The following CCDC110 variants were observed in gnomAD, a reference collection of about 807,000 sequenced individuals.
CCDC110 encodes coiled-coil domain-containing protein 110.
Under a neutral mutation model 77.1 loss-of-function variants are expected in CCDC110, and 70 were observed. The observed-to-expected ratio is 0.91, with a 90% CI of 0.75 to 1.11. The LOEUF (loss-of-function observed/expected upper bound fraction) is 1.11. Among genes scored for constraint, CCDC110 ranks in the 50% least tolerant of loss-of-function variants. CCDC110 has a pLI of 0.00. For missense variants in CCDC110, 868 were observed against 942.9 expected, an observed-to-expected ratio of 0.92 and a Z score of 1.04; for synonymous variants, 295 against 312.5, an observed-to-expected ratio of 0.94 and a Z score of 0.59.
At chr4:185,462,412 G>A (rs1298149166) in intron 4 of CCDC110, among the ~76,000 whole-genome samples, 4 of 152,096 alleles carry the variant, frequency 2.6e-5, no homozygotes, top group Admixed American at 2.0e-4. Flanking sequence ...GACTTTAAAC[G>A]TGTATTGAAA....
In CCDC110 at chr4:185,471,573, G is replaced by C. The variant is rs765637400; in HGVS notation, c.10+101C>G. ...GGCGAGTGCAGAAGGGCGGACCCGG[G>C]ATGTCCCGGGTTTTCGAGCGGGGAG... is the stretch of plus-strand genomic sequence containing the variant. On this transcript the variant is annotated intron_variant, in intron 1 of 6. Coordinates refer to ENST00000307588, the MANE Select transcript of CCDC110 (RefSeq NM_152775.4). The C allele has an allele frequency of 1.1e-5, 14 of 1,323,950 alleles. No individual in the cohort carries two copies. The South Asian group carries it at 1.9e-4, about 18-fold the overall frequency. The allele number at this position is 1,323,950 out of a possible 1,614,324, so 82.0% of individuals were successfully genotyped here.
chr4:185,458,984 C>T lies in CCDC110; in HGVS notation c.1603G>A (p.Glu535Lys). ...LEEKNIQLSLEKQQMMEALDQ... is the reference protein window; with the variant it reads ...LEEKNIQLSLKKQQMMEALDQ... Reference sequence around the variant, plus strand: ...AATGCTTCCATCATTTGTTGCTTCTCTAAAGAAAGTTGTATATTTTTTTCC... The same window carrying T: ...AATGCTTCCATCATTTGTTGCTTCTTTAAAGAAAGTTGTATATTTTTTTCC... Residue 535 changes from glutamate (E) to lysine (K), a missense_variant, in exon 6 of 7, where the codon GAG (glutamate) becomes AAG (lysine). Physicochemically the swap from Glu to Lys is moderately conservative, Grantham distance 56 (BLOSUM62 1). Coordinates refer to ENST00000307588, the MANE Select transcript of CCDC110 (RefSeq NM_152775.4). 1 of 1,604,522 alleles carries T rather than the reference C, an allele frequency of 6.2e-7. No homozygotes were observed. The highest frequency in any genetic ancestry group is 1.3e-5 in the African/African-American group (1 of 74,792).
At position 185,469,621 on chromosome 4, in the gene CCDC110, T is replaced by G. The variant is rs375893460; in HGVS notation, c.115+1324A>C. ...TTCGTTCAGGGGGCCCCTTTGCCCC[T>G]CCTGGTTGCCCAGGGAAACCTGCAT... is the stretch of plus-strand genomic sequence containing the variant. On this transcript the variant is annotated intron_variant, in intron 2 of 6. Transcript: ENST00000307588. 3.3e-5 allele frequency among the ~76,000 whole-genome samples: 5 copies of G among 152,198 alleles called. No individual in the cohort carries two copies. In the East Asian group the frequency reaches 7.7e-4, roughly 23 times the overall value.
Position 185,458,509 on chromosome 4 carries a change from C to T in CCDC110, c.2078G>A (p.Ser693Asn), listed in dbSNP as rs1375298750. The T allele has an allele frequency of 2.5e-6, 4 of 1,607,306 alleles. No homozygotes were observed. The highest frequency in any genetic ancestry group is 3.4e-6 in the Non-Finnish European group (4 of 1,178,536). The change falls in exon 6 of 7, where the codon AGC (serine) becomes AAC (asparagine). Residue 693 changes from serine to asparagine, a missense_variant. Physicochemically the swap from Ser to Asn is conservative, Grantham distance 46 (BLOSUM62 1). Coordinates refer to ENST00000307588, the MANE Select transcript of CCDC110 (RefSeq NM_152775.4). The part of the protein sequence containing the change: ...AKSEASIYKN[S>N]LSEIGKECEM... ...ACATTCCTTGCCAATTTCTGACAAG[C>T]TATTCTTATAAATACTTGCTTCTGA...
chr4:185,460,004 T>G lies in CCDC110; in HGVS notation c.583A>C (p.Lys195Gln). 6.2e-7 allele frequency: 1 copy of G among 1,613,466 alleles called. No individual in the cohort carries two copies. Among genetic ancestry groups the G allele is most frequent in the Non-Finnish European group, 8.5e-7 (1 of 1,179,626 alleles). ...AAACGATAAAAGTTATTATAATTCT[T>G]CAAGATGTCAGAATTTTCTGAAGGG... ...IHPSENSDIL[K>Q]NYNNFYRFLP... The change falls in exon 6 of 7, where the codon AAG becomes CAG. Residue 195 changes from lysine (K) to glutamine (Q), a missense_variant. By Grantham distance (53) the Lys-to-Gln change is moderately conservative. Transcript: ENST00000307588.
At chr4:185,461,918 C>T (rs1428359591) in intron 4 of CCDC110, among the ~76,000 whole-genome samples, 4 of 152,052 alleles carry the variant, frequency 2.6e-5, no homozygotes, top group Non-Finnish European at 5.9e-5. Context: ...GCTAATGTGG[C>T]GAAACCTGGT....
At chr4:185,471,541 G>T (rs1443859460) in intron 1 of CCDC110, 133 bp downstream of exon 1, 1 of 983,190 alleles carries the variant, frequency 1.0e-6, no homozygotes, top group South Asian at 1.5e-5. Context: ...CCGAGCGGGA[G>T]ATGTGCGGCG....
chr4:185,447,284 C>T (rs1459776447), intron 6 of CCDC110, among the ~76,000 whole-genome samples: 4 of 151,970 alleles, frequency 2.6e-5, no homozygotes, highest in Non-Finnish European at 5.9e-5. Flanking sequence ...CGGGTTCACG[C>T]CATTCTCCTG....
chr4:185,450,722 C>T (rs148181550), intron 6 of CCDC110, among the ~76,000 whole-genome samples: 29 of 133,554 alleles, frequency 2.2e-4, no homozygotes, highest in African/African-American at 7.1e-4. Context: ...CCAGCCTGGG[C>T]GACAGAGTGA....
chr4:185,445,535 GA>G lies in CCDC110; in HGVS notation c.2468del (p.Phe823SerfsTer18). ...GCTTGAGAGTTCTGTCTTTAACTTTGAAATAACCTATGAAAATAGAAAATAT... is the reference window on the plus strand; with the variant it reads ...GCTTGAGAGTTCTGTCTTTAACTTTGAATAACCTATGAAAATAGAAAATAT... ...RPLASDLKGY[F>X]KVKDRTLKHH On this transcript the variant is annotated frameshift_variant, in exon 7 of 7. Transcript: ENST00000307588. LOFTEE classifies it high-confidence loss of function. The G allele has an allele frequency of 6.4e-7, 1 of 1,558,542 alleles. No individual in the cohort carries two copies. The highest frequency in any genetic ancestry group is 1.4e-5 in the African/African-American group (1 of 73,256).
At chr4:185,461,656 T>C (rs1416896817) in intron 4 of CCDC110, among the ~76,000 whole-genome samples, 1 of 152,238 alleles carries the variant, frequency 6.6e-6, no homozygotes, top group East Asian at 1.9e-4. Context: ...ATGGTAGTAT[T>C]GATTCTGCCT....
chr4:185,445,759 T>G (rs1277246226), intron 6 of CCDC110, among the ~76,000 whole-genome samples: 1 of 152,220 alleles, frequency 6.6e-6, no homozygotes, highest in African/African-American at 2.4e-5. Context: ...TAGTACATCT[T>G]TAACACTTGG....
In CCDC110 at chr4:185,460,089, G is replaced by A. The variant is rs761432896; in HGVS notation, c.498C>T (p.Ser166=). The change falls in exon 6 of 7, where the codon TCC becomes TCT. Residue 166 remains serine, a synonymous_variant. Transcript: ENST00000307588. ...QSVNVPSQIH[S]EDTLTLRTST... is the part of the protein sequence containing the mutation. ...AAGTTCTCAGAGTTAATGTGTCCTCGGAATGTATCTGGGATGGAACATTTA... is the reference window on the plus strand; with the variant it reads ...AAGTTCTCAGAGTTAATGTGTCCTCAGAATGTATCTGGGATGGAACATTTA... The A allele has an allele frequency of 2.6e-5, 42 of 1,613,612 alleles. No homozygotes were observed. The Middle Eastern group carries it at 4.9e-4, about 19-fold the overall frequency.
intron 2 of CCDC110, 33 bp downstream of exon 2, chr4:185,470,912 T>A: frequency 6.8e-7 from 1 of 1,471,574 alleles, no homozygotes. Flanking sequence ...CTGTGTATAG[T>A]TAAAGGAGCC....
intron 2 of CCDC110, among the ~76,000 whole-genome samples, chr4:185,465,115 C>T (rs2095653105): frequency 6.6e-6 from 1 of 152,128 alleles, no homozygotes; most frequent in South Asian, 2.1e-4. Flanking sequence ...CTGTAATTTC[C>T]ACACAGCTCT....
chr4:185,461,000 A>C (rs1419123828), intron 5 of CCDC110, 49 bp downstream of exon 5: 1 of 912,734 alleles, frequency 1.1e-6, no homozygotes, highest in South Asian at 1.4e-5. Flanking sequence ...GATGGTAGTC[A>C]CGTTTTGAAG....
At chr4:185,467,492 A>AAT (rs1426109458) in intron 2 of CCDC110, among the ~76,000 whole-genome samples, 1 of 152,200 alleles carries the variant, frequency 6.6e-6, no homozygotes, top group African/African-American at 2.4e-5. Context: ...CTAAACATAC[A>AAT]ATATCGGGAG....
At chr4:185,451,379 C>A (rs2095629017) in intron 6 of CCDC110, among the ~76,000 whole-genome samples, 1 of 152,160 alleles carries the variant, frequency 6.6e-6, no homozygotes, top group African/African-American at 2.4e-5. Context: ...TCTTTTGGGC[C>A]TCCCCACTTT....
At chr4:185,462,818 G>T in intron 3 of CCDC110, 110 bp from the exon 4 acceptor site, 1 of 1,079,836 alleles carries the variant, frequency 9.3e-7, no homozygotes, top group Non-Finnish European at 1.4e-6. Context: ...AAAAGATCCC[G>T]TGAGGGTCAG....
Sources: gnomAD v4.1 joint callset for allele counts (sites outside exome capture counted in the v4.1 genomes callset) on GRCh38, gnomAD v4.1.1 for gene constraint, MANE v1.5 for transcripts, NCBI Gene and HGNC (gene_info 2026-07-23, HGNC 2026-07-21) for gene names.